Variants in PCDHGA5 observed in about 807,000 individuals in gnomAD.
The protein encoded by PCDHGA5 is protocadherin gamma-A5.
Under a neutral mutation model 56.7 loss-of-function variants are expected in PCDHGA5, and 36 were observed. The observed-to-expected ratio is 0.64, with a 90% CI of 0.49 to 0.84. PCDHGA5 has a LOEUF of 0.84. PCDHGA5 is among the 40% of genes least tolerant of loss of function. PCDHGA5 has a pLI of 0.00. For synonymous variants in PCDHGA5, 563 were observed against 520.2 expected, an observed-to-expected ratio of 1.08 and a Z score of -1.12; for missense variants, 1,305 against 1,201.5, an observed-to-expected ratio of 1.09 and a Z score of -1.27.
At chr5:141,377,633 T>C (rs1357016658) in intron 1 of PCDHGA5, 2 of 152,058 alleles carry the variant, frequency 1.3e-5, no homozygotes, top group Non-Finnish European at 2.9e-5. Flanking sequence ...TTGTTTTTTC[T>C]CAGTGTTACT....
intron 1 of PCDHGA5, chr5:141,372,413 T>C (rs1768752463): frequency 6.2e-7 from 1 of 1,614,052 alleles, no homozygotes; most frequent in Non-Finnish European, 8.5e-7. Flanking sequence ...AGATACAACC[T>C]GACCTTAGCG....
Position 141,490,965 on chromosome 5 carries a change from C to G in PCDHGA5, c.2422-3842C>G. On this transcript the variant is annotated intron_variant, in intron 1 of 3. Coordinates refer to ENST00000518069, the MANE Select transcript of PCDHGA5 (RefSeq NM_018918.3). This position sits in a 1 kb window ranked among gnomAD's most constrained non-coding sequence, Gnocchi z 5.4. ...CACGGCCAGACTGGGAACACTCAGC[C>G]CCCCAGCGTCTCCCTCGCTCTGCTC... is the stretch of plus-strand genomic sequence containing the variant. 5 of 1,613,856 alleles carry G rather than the reference C, an allele frequency of 3.1e-6. No homozygotes were observed. The highest frequency in any genetic ancestry group is 3.3e-4 in the Middle Eastern group (2 of 6,062).
chr5:141,400,163 A>G, intron 1 of PCDHGA5: 1 of 1,613,830 alleles, frequency 6.2e-7, no homozygotes, highest in Non-Finnish European at 8.5e-7. Flanking sequence ...GTACCCTCTG[A>G]CCCCCAGGCT....
intron 1 of PCDHGA5, chr5:141,371,607 G>T (rs2149987986): frequency 6.2e-6 from 10 of 1,614,022 alleles, no homozygotes; most frequent in Admixed American, 1.7e-5. Context: ...ATACAGGTTG[G>T]TGACAGATGG....
At position 141,399,778 on chromosome 5, in the gene PCDHGA5, C is replaced by T. The variant is rs187080333; in HGVS notation, c.2421+33027C>T. 2.5e-6 allele frequency: 4 copies of T among 1,613,250 alleles called. No individual in the cohort carries two copies. The South Asian group carries it at 3.3e-5, about 13-fold the overall frequency. On this transcript the variant is annotated intron_variant, in intron 1 of 3. Transcript: ENST00000518069. ...GAGCCTGCGCGTGTTGGTGGGCGAC[C>T]GAAACGACAACGCACCGCGGGTGCT...
Position 141,406,695 on chromosome 5 carries a change from A to T in PCDHGA5, c.2421+39944A>T, listed in dbSNP as rs62378452. Among the ~76,000 whole-genome samples, 1,219 of 152,310 alleles carry T rather than the reference A, an allele frequency of 8.0e-3. 8 individuals are homozygous for T. Among genetic ancestry groups the T allele is most frequent in the Non-Finnish European group, 0.011 (770 of 68,010 alleles). Reference sequence around the variant, plus strand: ...GAATAGTAGGACATTCTTCTTTTCTATAGTATATGCTTGCTCAAGAGAAGT... The same window carrying T: ...GAATAGTAGGACATTCTTCTTTTCTTTAGTATATGCTTGCTCAAGAGAAGT... On this transcript the variant is annotated intron_variant, in intron 1 of 3. Coordinates refer to ENST00000518069, the MANE Select transcript of PCDHGA5 (RefSeq NM_018918.3).
intron 1 of PCDHGA5, chr5:141,384,104 A>C: frequency 1.2e-6 from 2 of 1,601,040 alleles, no homozygotes; most frequent in Non-Finnish European, 8.5e-7. Context: ...GATAATTATT[A>C]TAGATTGGTC....
chr5:141,410,589 A>G (rs2095410065), intron 1 of PCDHGA5: 1 of 1,609,086 alleles, frequency 6.2e-7, no homozygotes, highest in Non-Finnish European at 8.5e-7. Flanking sequence ...GGTGGGGAGG[A>G]TTTGACTTCA....
At chr5:141,371,745 G>T (rs767038146) in intron 1 of PCDHGA5, 2 of 1,614,002 alleles carry the variant, frequency 1.2e-6, no homozygotes, top group South Asian at 2.2e-5. Flanking sequence ...CAACGTTCCC[G>T]TTTTCCACCA....
intron 1 of PCDHGA5, among the ~76,000 whole-genome samples, chr5:141,369,540 A>G (rs983606884): frequency 1.3e-5 from 2 of 152,200 alleles, no homozygotes; most frequent in African/African-American, 4.8e-5. Context: ...TATTTAATTA[A>G]AAGTAGACAC....
At chr5:141,388,893 G>C in intron 1 of PCDHGA5, 2 of 1,613,982 alleles carry the variant, frequency 1.2e-6, no homozygotes, top group South Asian at 2.2e-5. Flanking sequence ...AGAAGTCATA[G>C]ATGAAAATGA....
chr5:141,390,246 C>T (rs1401463493), intron 1 of PCDHGA5: 5 of 1,613,922 alleles, frequency 3.1e-6, no homozygotes, highest in African/African-American at 1.3e-5. Context: ...GGCCTTATTT[C>T]CACTTTGTAA....
In PCDHGA5 at chr5:141,404,687, C is replaced by T. The variant is rs190249934; in HGVS notation, c.2421+37936C>T. 2,728 of 1,614,088 alleles carry T rather than the reference C, an allele frequency of 1.7e-3. 3 individuals carry two copies. Among genetic ancestry groups the T allele is most frequent in the Non-Finnish European group, 2.2e-3 (2,615 of 1,179,946 alleles). On this transcript the variant is annotated intron_variant, in intron 1 of 3. Coordinates refer to ENST00000518069, the MANE Select transcript of PCDHGA5 (RefSeq NM_018918.3). ...TGGTTCTACTGGTGTGGAGCTGGCA[C>T]CCCGCTCTGCAGAGCCTGGCTACCT...
chr5:141,481,856 G>A (rs1402368786), intron 1 of PCDHGA5, among the ~76,000 whole-genome samples: 1 of 149,156 alleles, frequency 6.7e-6, no homozygotes, highest in Admixed American at 6.8e-5. Flanking sequence ...GGAGGTTGCA[G>A]TGAGCCGAGA....
In PCDHGA5 at chr5:141,394,565, T is replaced by C. The variant is rs199836246; in HGVS notation, c.2421+27814T>C. ...AGCTGGCGCCCCGCTCCGCAGAGCG[T>C]GGCTACCTGGTGACCAAGGTGGTGG... On this transcript the variant is annotated intron_variant, in intron 1 of 3. Transcript: ENST00000518069. The C allele has an allele frequency of 4.7e-3, 7,555 of 1,612,722 alleles. 48 individuals carry two copies. The highest frequency in any genetic ancestry group is 9.5e-3 in the Admixed American group (567 of 59,986).
chr5:141,390,300 T>A, intron 1 of PCDHGA5: 1 of 1,613,822 alleles, frequency 6.2e-7, no homozygotes, highest in Non-Finnish European at 8.5e-7. Flanking sequence ...CCTTTAAGTA[T>A]AATTTAATGC....
At chr5:141,382,895 C>A (rs1554087243) in intron 1 of PCDHGA5, 1 of 1,536,202 alleles carries the variant, frequency 6.5e-7, no homozygotes, top group South Asian at 1.3e-5. Flanking sequence ...AGAAGCAGGA[C>A]GACTATGGCG....
chr5:141,383,400 C>G (rs999894916), intron 1 of PCDHGA5: 4 of 1,614,020 alleles, frequency 2.5e-6, no homozygotes, highest in Non-Finnish European at 1.7e-6. Context: ...CGAACTCCCT[C>G]CAGAGTTACC....
At chr5:141,376,059 C>T (rs761483041) in intron 1 of PCDHGA5, 2 of 1,613,398 alleles carry the variant, frequency 1.2e-6, no homozygotes, top group South Asian at 1.1e-5. Flanking sequence ...GCCACTGTCA[C>T]GCTCACCGTG....
Sources: gnomAD v4.1 joint callset for allele counts (sites outside exome capture counted in the v4.1 genomes callset) on GRCh38, gnomAD v4.1.1 for gene constraint, Gnocchi (gnomAD v3.1) non-coding constraint, MANE v1.5 for transcripts, NCBI Gene and HGNC (gene_info 2026-07-23, HGNC 2026-07-21) for gene names.